The following METTL25 variants were observed in gnomAD, a reference collection of about 807,000 sequenced individuals.
METTL25 encodes methyltransferase like 25, also known as probable methyltransferase-like protein 25.
In METTL25, 64 loss-of-function variants were observed where a neutral mutation model predicts 71.6. That is an observed-to-expected ratio of 0.89 (90% CI 0.73 to 1.10). METTL25 has a LOEUF of 1.10. Ranked by LOEUF, METTL25 falls within the 50% of genes least tolerant of loss-of-function variation. METTL25 has a pLI of 0.00. For synonymous variants in METTL25, 287 were observed against 250.3 expected, an observed-to-expected ratio of 1.15 and a Z score of -1.38; for missense variants, 807 against 707.0, an observed-to-expected ratio of 1.14 and a Z score of -1.60.
rs145052523 is a variant in METTL25 at position 82,404,570 on chromosome 12, A to G, written c.1279+1440A>G. On this transcript the variant is annotated intron_variant, in intron 5 of 11. Transcript: ENST00000248306. ...TAAGTGCTTCCTTTTGGGGTTTACT[A>G]TTTGGTTGTTAGTTCAAGAGTTTCC... 8.9e-3 allele frequency among the ~76,000 whole-genome samples: 1,359 copies of G among 152,166 alleles called. 18 individuals are homozygous for G. Among genetic ancestry groups the G allele is most frequent in the African/African-American group, 0.031 (1,270 of 41,510 alleles).
chr12:82,419,196 C>T (rs749973504), intron 5 of METTL25, among the ~76,000 whole-genome samples: 2 of 151,714 alleles, frequency 1.3e-5, no homozygotes, highest in Non-Finnish European at 2.9e-5. Flanking sequence ...GTGCCATATT[C>T]TGGATAAAAA....
intron 8 of METTL25, chr12:82,439,753 A>T: frequency 5.2e-6 from 2 of 387,706 alleles, no homozygotes; most frequent in Non-Finnish European, 7.0e-6. Flanking sequence ...TCCTTCTCTT[A>T]TATTTACCCT....
intron 5 of METTL25, among the ~76,000 whole-genome samples, chr12:82,422,165 C>T (rs554122920): frequency 9.2e-5 from 14 of 152,186 alleles, no homozygotes; most frequent in South Asian, 2.1e-4. Flanking sequence ...ACTGGCAACC[C>T]GAATCCAGCA....
chr12:82,375,544 A>G (rs546178615), intron 1 of METTL25, among the ~76,000 whole-genome samples: 116 of 152,338 alleles, frequency 7.6e-4, no homozygotes, highest in African/African-American at 2.7e-3. Flanking sequence ...TCTTCCATGT[A>G]GAGATATTTA....
At chr12:82,425,289 A>G (rs1355068196) in intron 5 of METTL25, among the ~76,000 whole-genome samples, 1 of 152,040 alleles carries the variant, frequency 6.6e-6, no homozygotes, top group Non-Finnish European at 1.5e-5. Flanking sequence ...ATTACATCCT[A>G]CCTACCACTT....
At chr12:82,452,469 C>T (rs762331593) in intron 8 of METTL25, among the ~76,000 whole-genome samples, 10 of 152,136 alleles carry the variant, frequency 6.6e-5, no homozygotes, top group Non-Finnish European at 8.8e-5. Flanking sequence ...TGCCACTGCA[C>T]GCCTGCCTGG....
chr12:82,433,126 T>A (rs1232526014), intron 6 of METTL25, among the ~76,000 whole-genome samples: 1 of 151,724 alleles, frequency 6.6e-6, no homozygotes, highest in African/African-American at 2.4e-5. Context: ...CTGATTATTT[T>A]TTATTATGTA....
At chr12:82,368,829 G>A (rs543610825) in intron 1 of METTL25, among the ~76,000 whole-genome samples, 1 of 152,192 alleles carries the variant, frequency 6.6e-6, no homozygotes, top group East Asian at 1.9e-4. Context: ...CCAGTCAGTG[G>A]GTCACCTAGA....
At chr12:82,442,138 C>T (rs913751600) in intron 8 of METTL25, among the ~76,000 whole-genome samples, 1 of 152,092 alleles carries the variant, frequency 6.6e-6, no homozygotes, top group Admixed American at 6.6e-5. Context: ...AGAGTTAGGA[C>T]TTTCACCATC....
chr12:82,375,863 A>G (rs1883800933), intron 1 of METTL25, among the ~76,000 whole-genome samples: 1 of 152,218 alleles, frequency 6.6e-6, no homozygotes, highest in South Asian at 2.1e-4. Flanking sequence ...TTATATCCCA[A>G]TTTAGGTTTG....
At chr12:82,372,776 T>A (rs1027277056) in intron 1 of METTL25, among the ~76,000 whole-genome samples, 38 of 152,092 alleles carry the variant, frequency 2.5e-4, no homozygotes, top group African/African-American at 9.2e-4. Flanking sequence ...CCGCCTGTGA[T>A]TTTGGTTTGT....
At chr12:82,464,753 G>A (rs1373331017) in intron 9 of METTL25, among the ~76,000 whole-genome samples, 3 of 151,714 alleles carry the variant, frequency 2.0e-5, no homozygotes, top group Non-Finnish European at 4.4e-5. Context: ...AGCATGGGAT[G>A]TTTCTCCATT....
chr12:82,428,116 G>A lies in METTL25; in HGVS notation c.1280-2777G>A, dbSNP rs982027211. On this transcript the variant is annotated intron_variant, in intron 5 of 11. Coordinates refer to ENST00000248306, the MANE Select transcript of METTL25 (RefSeq NM_032230.3). ...GAAATTAAGTAAGCAGGTAGGGGTA[G>A]AAAGTGTGGGTGAAAGAACATACCC... Among the ~76,000 whole-genome samples the A allele has an allele frequency of 2.0e-5, 3 of 152,050 alleles. No homozygotes were observed. In the South Asian group the frequency reaches 6.2e-4, roughly 32 times the overall value.
Position 82,377,977 on chromosome 12 carries a change from C to T in METTL25, c.260-8826C>T, listed in dbSNP as rs575848853. Among the ~76,000 whole-genome samples the T allele has an allele frequency of 1.7e-3, 256 of 152,212 alleles. 1 individual carries two copies. Among genetic ancestry groups the T allele is most frequent in the Admixed American group, 0.014 (214 of 15,282 alleles). ...TAGTATTACAATTGTTTGAATTCAT[C>T]TTGATTTAGGCCGACACTTGTGCTT... On this transcript the variant is annotated intron_variant, in intron 1 of 11. Coordinates refer to ENST00000248306, the MANE Select transcript of METTL25 (RefSeq NM_032230.3).
chr12:82,386,836 C>T lies in METTL25; in HGVS notation c.293C>T (p.Thr98Ile). The change falls in exon 2 of 12, where the codon ACT becomes ATT. Residue 98 changes from threonine (T) to isoleucine (I), a missense_variant. By Grantham distance (89) the Thr-to-Ile change is moderately conservative. Coordinates refer to ENST00000248306, the MANE Select transcript of METTL25 (RefSeq NM_032230.3). ...MTDFPKIFCETSQKLVSVEAF... is the reference protein window; with the variant it reads ...MTDFPKIFCEISQKLVSVEAF... ...GATTTTCCCAAAATATTTTGTGAAA[C>T]TTCTCAGAAGTTGGTGAGTGTGGAA... 1 of 1,613,246 alleles carries T rather than the reference C, an allele frequency of 6.2e-7. No homozygotes were observed. Among genetic ancestry groups the T allele is most frequent in the African/African-American group, 1.3e-5 (1 of 74,978 alleles).
chr12:82,471,645 C>T (rs1264571789), intron 9 of METTL25, among the ~76,000 whole-genome samples: 1 of 152,196 alleles, frequency 6.6e-6, no homozygotes, highest in Non-Finnish European at 1.5e-5. Flanking sequence ...TAGATGTAAT[C>T]ATTTCCATAC....
intron 5 of METTL25, among the ~76,000 whole-genome samples, chr12:82,414,487 T>A (rs1887805438): frequency 6.6e-6 from 1 of 152,196 alleles, no homozygotes; most frequent in East Asian, 1.9e-4. Context: ...TTTTTGCGAC[T>A]AATAGAAAGT....
At position 82,479,202 on chromosome 12, in the gene METTL25, A is replaced by G. The variant is rs1034632968; in HGVS notation, c.*178A>G. Reference sequence around the variant, plus strand: ...ATCCATTTTTCCATTGTCAAAGCATACATTAATAAAAGAAGAACCTGTCAT... The same window carrying G: ...ATCCATTTTTCCATTGTCAAAGCATGCATTAATAAAAGAAGAACCTGTCAT... On this transcript the variant is annotated 3_prime_UTR_variant, in exon 12 of 12. Transcript: ENST00000248306. The G allele has an allele frequency of 2.0e-6, 1 of 503,844 alleles. No homozygotes were observed. The highest frequency in any genetic ancestry group is 3.3e-5 in the Admixed American group (1 of 30,554). The allele number at this position is 503,844 out of a possible 1,614,324, so 31.2% of individuals were successfully genotyped here. A position where few individuals can be genotyped will look rare whatever the true frequency, so the allele number is the denominator to read the frequency against.
intron 5 of METTL25, among the ~76,000 whole-genome samples, chr12:82,423,430 A>G (rs1298966811): frequency 6.6e-6 from 1 of 152,262 alleles, no homozygotes; most frequent in Non-Finnish European, 1.5e-5. Flanking sequence ...ACCGAAAACC[A>G]TAAAAACCCT....
Sources: allele counts gnomAD v4.1 joint callset (sites outside exome capture counted in the v4.1 genomes callset), GRCh38; gene constraint gnomAD v4.1.1; transcripts MANE v1.5; gene names NCBI Gene and HGNC (gene_info 2026-07-23, HGNC 2026-07-21).